The following RNF123 variants were observed in gnomAD, a reference collection of about 807,000 sequenced individuals.
RNF123 encodes ring finger protein 123.
In RNF123, 86 loss-of-function variants were observed where a neutral mutation model predicts 168.5. The ratio of observed to expected loss-of-function variants is 0.51; its 90% CI spans 0.43 to 0.61. The LOEUF (loss-of-function observed/expected upper bound fraction) is 0.61, where lower values mean the gene tolerates loss of function less well. RNF123 is among the 20% of genes least tolerant of loss of function. The pLI is 0.00. For missense variants in RNF123, 1,419 were observed against 1,729.7 expected (o/e 0.82, Z 3.19); for synonymous variants, 666 against 689.1 (o/e 0.97, Z 0.52).
At chr3:49,717,111 C>T (rs2080263454) in intron 35 of RNF123, 1 of 153,088 alleles carries the variant, frequency 6.5e-6, no homozygotes, top group African/African-American at 2.4e-5. Flanking sequence ...GCTCGCCAGG[C>T]TTTTCGGGCT....
intron 35 of RNF123, chr3:49,719,566 C>T (rs1370128398): frequency 3.6e-5 from 39 of 1,082,252 alleles, no homozygotes; most frequent in Non-Finnish European, 4.5e-5. Flanking sequence ...CACCGGATGG[C>T]CCTTGCCGAG....
At position 49,720,860 on chromosome 3, in the gene RNF123, C is replaced by T. The variant is rs769176209; in HGVS notation, c.3704C>T (p.Thr1235Ile). 1 of 1,614,164 alleles carries T rather than the reference C, an allele frequency of 6.2e-7. No individual in the cohort carries two copies. The highest frequency in any genetic ancestry group is 2.2e-5 in the East Asian group (1 of 44,888). Residue 1235 changes from threonine to isoleucine, a missense_variant, in exon 37 of 39, where the codon ACC becomes ATC. Thr to Ile is a moderately conservative substitution (Grantham distance 89). Coordinates refer to ENST00000327697, the MANE Select transcript of RNF123 (RefSeq NM_022064.5). Reference protein sequence around the residue: ...AQVEQMLAHLTSASAQAAAAS... With the variant: ...AQVEQMLAHLISASAQAAAAS... ...GTGGAACAGATGCTGGCGCACCTGACCTCTGCATCTGCCCAGGCAGCAGCT... is the reference window on the plus strand; with the variant it reads ...GTGGAACAGATGCTGGCGCACCTGATCTCTGCATCTGCCCAGGCAGCAGCT...
In RNF123 at chr3:49,699,902, G is replaced by A; in HGVS notation, c.984+130G>A. 1.1e-6 allele frequency: 1 copy of A among 916,606 alleles called. No homozygotes were observed. Among genetic ancestry groups the A allele is most frequent in the South Asian group, 1.5e-5 (1 of 65,928 alleles). The allele number at this position is 916,606 out of a possible 1,614,324, so 56.8% of individuals were successfully genotyped here. Reference sequence around the variant, plus strand: ...GCATCACCTGGCGAGGGCCCCATGTGACCAGGGCCCTCAGACCTCAGTCAG... The same window carrying A: ...GCATCACCTGGCGAGGGCCCCATGTAACCAGGGCCCTCAGACCTCAGTCAG... On this transcript the variant is annotated intron_variant, in intron 12 of 38. Transcript: ENST00000327697. This position sits in a 1 kb window ranked among gnomAD's most constrained non-coding sequence, Gnocchi z 4.8.
intron 31 of RNF123, among the ~76,000 whole-genome samples, chr3:49,714,574 C>T (rs775785926): frequency 6.6e-6 from 1 of 152,238 alleles, no homozygotes. Flanking sequence ...TTTTTGCTAT[C>T]TGCTGGTGGC....
rs1303746429 is a variant in RNF123 at position 49,698,538 on chromosome 3, G to A, written c.570+12G>A. On this transcript the variant is annotated intron_variant, in intron 8 of 38. Coordinates refer to ENST00000327697, the MANE Select transcript of RNF123 (RefSeq NM_022064.5). ...CGAATTATGGCAAGGTGAGAGCCAA[G>A]CCCCTGTGGGTCATCCGCCCCATGA... 1 of 1,613,298 alleles carries A rather than the reference G, an allele frequency of 6.2e-7. No homozygotes were observed. Among genetic ancestry groups the A allele is most frequent in the Non-Finnish European group, 8.5e-7 (1 of 1,179,708 alleles).
At chr3:49,718,312 A>C in intron 35 of RNF123, 1 of 1,613,260 alleles carries the variant, frequency 6.2e-7, no homozygotes, top group Non-Finnish European at 8.5e-7. Context: ...CAGTGTGGTG[A>C]AGCCTGTGTT....
chr3:49,699,606 G>C lies in RNF123; in HGVS notation c.879+24G>C, dbSNP rs184530129. 9.3e-6 allele frequency: 15 copies of C among 1,612,644 alleles called. No homozygotes were observed. Among genetic ancestry groups the C allele is most frequent in the Non-Finnish European group, 1.3e-5 (15 of 1,179,204 alleles). On this transcript the variant is annotated intron_variant, in intron 11 of 38. Transcript: ENST00000327697. This position sits in a 1 kb window ranked among gnomAD's most constrained non-coding sequence, Gnocchi z 4.8. ...TGGTGAGCTGGGGTCTGGGCCAGGC[G>C]GGGTGGGGGGCTTCCACAGCCTCCT...
intron 12 of RNF123, 93 bp from the exon 13 acceptor site, chr3:49,700,134 G>C (rs2054349815): frequency 6.4e-7 from 1 of 1,560,272 alleles, no homozygotes; most frequent in Non-Finnish European, 8.7e-7. Flanking sequence ...AAGGCTCTGT[G>C]CCTGAGGCTT....
intron 21 of RNF123, 147 bp from the exon 22 acceptor site, chr3:49,704,503 C>T (rs1373400752): frequency 5.7e-5 from 35 of 619,308 alleles, no homozygotes; most frequent in African/African-American, 3.2e-4. Flanking sequence ...GTGGAGGAGG[C>T]GGAGGGGCGA....
intron 3 of RNF123, among the ~76,000 whole-genome samples, chr3:49,693,725 C>T (rs2054214514): frequency 6.6e-6 from 1 of 152,136 alleles, no homozygotes; most frequent in Admixed American, 6.5e-5. Context: ...ATTTACATTC[C>T]CACTAACAGC....
At chr3:49,691,049 C>A (rs150056608) in intron 1 of RNF123, 81 bp from the exon 2 acceptor site, 2 of 810,988 alleles carry the variant, frequency 2.5e-6, no homozygotes, top group South Asian at 1.6e-5. Context: ...TGCTCCCAAG[C>A]CTTCCTGCCA....
intron 8 of RNF123, 87 bp from the exon 9 acceptor site, chr3:49,698,668 T>A: frequency 6.4e-7 from 1 of 1,557,270 alleles, no homozygotes; most frequent in Non-Finnish European, 8.8e-7. Context: ...CTAGTCTCCC[T>A]TGGGTGGTTC....
intron 26 of RNF123, among the ~76,000 whole-genome samples, chr3:49,709,642 T>G (rs1344517758): frequency 6.6e-6 from 1 of 150,598 alleles, no homozygotes; most frequent in African/African-American, 2.4e-5. Flanking sequence ...TTTCTTCATA[T>G]TGATCAGGCT....
chr3:49,699,203 G>C lies in RNF123; in HGVS notation c.764+98G>C. The C allele has an allele frequency of 6.8e-7, 1 of 1,480,992 alleles. No individual in the cohort carries two copies. The highest frequency in any genetic ancestry group is 9.1e-7 in the Non-Finnish European group (1 of 1,101,710). The allele number at this position is 1,480,992 out of a possible 1,614,324, so 91.7% of individuals were successfully genotyped here. ...CCAGGGGTGCCATGGGCTGGTGGCA[G>C]GCCCTGGCTGCTGCAGAGTTAGTGG... is the stretch of plus-strand genomic sequence containing the variant. On this transcript the variant is annotated intron_variant, in intron 10 of 38. Transcript: ENST00000327697. The surrounding 1 kb of genome is among the most constrained non-coding windows in gnomAD (Gnocchi z 4.8).
At chr3:49,693,423 C>T (rs1240216340) in intron 3 of RNF123, among the ~76,000 whole-genome samples, 2 of 122,422 alleles carry the variant, frequency 1.6e-5, no homozygotes, top group African/African-American at 3.1e-5. Flanking sequence ...GTGGCATGAT[C>T]TTGGCTCACT....
At chr3:49,709,100 G>A (rs2080091419) in intron 26 of RNF123, among the ~76,000 whole-genome samples, 1 of 149,050 alleles carries the variant, frequency 6.7e-6, no homozygotes, top group South Asian at 2.1e-4. Flanking sequence ...GACTACAGGT[G>A]CGCACCACCA....
At chr3:49,702,851 C>T in intron 20 of RNF123, 98 bp downstream of exon 20, 1 of 1,556,892 alleles carries the variant, frequency 6.4e-7, no homozygotes, top group Non-Finnish European at 8.7e-7. Context: ...AGGCTGTGGG[C>T]TGTGGGGAGT....
chr3:49,717,788 C>CT (rs2080276861), intron 35 of RNF123: 1 of 771,620 alleles, frequency 1.3e-6, no homozygotes, highest in Non-Finnish European at 2.0e-6. Flanking sequence ...ACCCCTGTCT[C>CT]TACCAGTGAG....
At chr3:49,706,107 C>A in intron 25 of RNF123, 42 bp downstream of exon 25, 1 of 1,551,844 alleles carries the variant, frequency 6.4e-7, no homozygotes, top group Non-Finnish European at 8.9e-7. Flanking sequence ...CTTGCTTACT[C>A]GTACAGGTAA....
Sources: gnomAD v4.1 joint callset for allele counts (sites outside exome capture counted in the v4.1 genomes callset) on GRCh38, gnomAD v4.1.1 for gene constraint, Gnocchi (gnomAD v3.1) non-coding constraint, MANE v1.5 for transcripts, NCBI Gene and HGNC (gene_info 2026-07-23, HGNC 2026-07-21) for gene names.